PILRA: variants seen among roughly 807,000 people sequenced by gnomAD.
PILRA encodes the protein paired immunoglobin like type 2 receptor alpha.
Under a neutral mutation model 33.1 loss-of-function variants are expected in PILRA, and 37 were observed. That is an observed-to-expected ratio of 1.12 (90% CI 0.86 to 1.47). PILRA has a LOEUF of 1.47. PILRA is among the 40% of genes most tolerant of loss of function. PILRA has a pLI of 0.00. For missense variants in PILRA, 312 were observed against 376.2 expected, an observed-to-expected ratio of 0.83 and a Z score of 1.41; for synonymous variants, 146 against 149.9, an observed-to-expected ratio of 0.97 and a Z score of 0.19.
At chr7:100,385,536 T>C (rs542364802) in intron 2 of PILRA, among the ~76,000 whole-genome samples, 2 of 152,356 alleles carry the variant, frequency 1.3e-5, no homozygotes, top group East Asian at 3.9e-4. Context: ...TTAAACCACA[T>C]ACTATGCTGC....
intron 3 of PILRA, among the ~76,000 whole-genome samples, chr7:100,393,006 G>A (rs1355004667): frequency 1.3e-5 from 2 of 152,168 alleles, no homozygotes; most frequent in African/African-American, 2.4e-5. Context: ...CTGGCCAGGT[G>A]CAGTGGCTCA....
intron 2 of PILRA, among the ~76,000 whole-genome samples, chr7:100,377,715 C>A (rs1007178706): frequency 2.6e-5 from 4 of 152,110 alleles, no homozygotes; most frequent in Admixed American, 6.5e-5. Flanking sequence ...CACTGCACTC[C>A]AGCCTGAGTG....
rs1469702549 is a variant in PILRA at position 100,396,847 on chromosome 7, G to A, written c.674-1032G>A. 3.3e-5 allele frequency among the ~76,000 whole-genome samples: 5 copies of A among 152,026 alleles called. No individual in the cohort carries two copies. The East Asian group carries it at 9.6e-4, about 29-fold the overall frequency. ...GCTGTCAGAAACCGCAGGGAGGAGG[G>A]AGTAGGGGTTCTTTAAAACTGTTTC... On this transcript the variant is annotated intron_variant, in intron 3 of 6. Transcript: ENST00000198536.
At chr7:100,372,249 G>C (rs551745678), upstream of PILRA, among the ~76,000 whole-genome samples, 1 of 151,940 alleles carries the variant, frequency 6.6e-6, no homozygotes, top group African/African-American at 2.4e-5. Flanking sequence ...TGGCTCAGAC[G>C]GAGGGGTTTC....
intron 3 of PILRA, among the ~76,000 whole-genome samples, chr7:100,394,497 G>A (rs1282061479): frequency 6.6e-6 from 1 of 150,800 alleles, no homozygotes; most frequent in African/African-American, 2.4e-5. Context: ...CCATGGGCCA[G>A]GCACAAGAAT....
In PILRA at chr7:100,390,090, G is replaced by A. The variant is rs1345701980; in HGVS notation, c.657G>A (p.Arg219=). ...IMILGLICLL[R]WRRRKGQQRT... ...TTTTGGGACTGATCTGCCTCCTCAG[G>A]TGGAGGAGAAGGAAAGGTAAGTGCC... is the stretch of plus-strand genomic sequence containing the variant. Residue 219 remains arginine, a synonymous_variant, in exon 3 of 7, where the codon AGG becomes AGA. Coordinates refer to ENST00000198536, the MANE Select transcript of PILRA (RefSeq NM_013439.3). The A allele has an allele frequency of 6.2e-7, 1 of 1,614,024 alleles. No homozygotes were observed. The highest frequency in any genetic ancestry group is 8.5e-7 in the Non-Finnish European group (1 of 1,179,920).
At chr7:100,376,127 G>T (rs139429682) in intron 2 of PILRA, 4 of 152,340 alleles carry the variant, frequency 2.6e-5, no homozygotes, top group Admixed American at 1.3e-4. Context: ...GCAGGGACCT[G>T]CAGGGACGGA....
chr7:100,397,465 T>C (rs1346111834), intron 3 of PILRA, among the ~76,000 whole-genome samples: 1 of 150,178 alleles, frequency 6.7e-6, no homozygotes, highest in Non-Finnish European at 1.5e-5. Context: ...AGGGCAGACA[T>C]AGCCGCCACC....
At chr7:100,373,066 A>G (rs1355543750), upstream of PILRA, among the ~76,000 whole-genome samples, 2 of 151,872 alleles carry the variant, frequency 1.3e-5, no homozygotes, top group Non-Finnish European at 2.9e-5. Context: ...TGGGGACTGC[A>G]TGGGAGCCCC....
intron 3 of PILRA, among the ~76,000 whole-genome samples, chr7:100,393,838 T>C (rs940437279): frequency 2.0e-5 from 3 of 152,106 alleles, no homozygotes; most frequent in African/African-American, 2.4e-5. Context: ...AAAAATACTA[T>C]GCCTCAACTC....
intron 2 of PILRA, among the ~76,000 whole-genome samples, chr7:100,379,850 G>T (rs948906064): frequency 6.6e-6 from 1 of 152,108 alleles, no homozygotes; most frequent in African/African-American, 2.4e-5. Flanking sequence ...AATTTGACAA[G>T]CTGGAAACAG....
At chr7:100,383,575 A>C (rs553808894) in intron 2 of PILRA, among the ~76,000 whole-genome samples, 1 of 151,780 alleles carries the variant, frequency 6.6e-6, no homozygotes, top group African/African-American at 2.4e-5. Context: ...TTTTGCTCTG[A>C]GTGCCATGGG....
chr7:100,388,581 A>G (rs1475592420), intron 2 of PILRA, among the ~76,000 whole-genome samples: 2 of 151,512 alleles, frequency 1.3e-5, no homozygotes, highest in East Asian at 1.9e-4. Flanking sequence ...AAAAAAAGAA[A>G]AAAAAAATAC....
intron 2 of PILRA, chr7:100,374,780 C>T (rs7792959): frequency 0.18 from 67,344 of 372,262 alleles, 6,822 homozygotes; most frequent in African/African-American, 0.27. Flanking sequence ...CAGGCCGATT[C>T]GATCTCTCCA....
chr7:100,383,012 TTG>T (rs1476201789), intron 2 of PILRA, among the ~76,000 whole-genome samples: 1 of 152,150 alleles, frequency 6.6e-6, no homozygotes, highest in African/African-American at 2.4e-5. Flanking sequence ...TCAATTCTGT[TTG>T]TGTCAGGTGA....
chr7:100,375,729 CTCAA>C (rs1193542933), intron 2 of PILRA, among the ~76,000 whole-genome samples: 13 of 134,720 alleles, frequency 9.6e-5, no homozygotes, highest in African/African-American at 2.4e-4. Context: ...GAGACTCCGC[CTCAA>C]ACAAACAAAC....
Position 100,393,405 on chromosome 7 carries a change from CAT to C in PILRA, c.673+3301_673+3302del, listed in dbSNP as rs752490542. Among the ~76,000 whole-genome samples, 64 of 152,022 alleles carry C rather than the reference CAT, an allele frequency of 4.2e-4. 1 individual carries two copies. The East Asian group carries it at 0.011, about 27-fold the overall frequency. ...TCAGGGAATTGAAGAGAAAGTTTGACATAGTCACTGAGGAAATGGGAAGTGGA... is the reference window on the plus strand; with the variant it reads ...TCAGGGAATTGAAGAGAAAGTTTGACAGTCACTGAGGAAATGGGAAGTGGA... On this transcript the variant is annotated intron_variant, in intron 3 of 6. Coordinates refer to ENST00000198536, the MANE Select transcript of PILRA (RefSeq NM_013439.3).
At chr7:100,396,107 G>A (rs1791488518) in intron 3 of PILRA, among the ~76,000 whole-genome samples, 1 of 151,904 alleles carries the variant, frequency 6.6e-6, no homozygotes, top group Non-Finnish European at 1.5e-5. Context: ...CTGGATGACA[G>A]AGCGAGACTT....
chr7:100,382,409 T>G (rs770579482), intron 2 of PILRA, among the ~76,000 whole-genome samples: 2 of 152,132 alleles, frequency 1.3e-5, no homozygotes, highest in Non-Finnish European at 2.9e-5. Flanking sequence ...GGATTGTAAG[T>G]ACACCAATCA....
Sources: gnomAD v4.1 joint callset for allele counts (sites outside exome capture counted in the v4.1 genomes callset) on GRCh38, gnomAD v4.1.1 for gene constraint, MANE v1.5 for transcripts, NCBI Gene and HGNC (gene_info 2026-07-23, HGNC 2026-07-21) for gene names.